NUP155: variants seen among roughly 807,000 people sequenced by gnomAD.
NUP155 encodes nuclear pore complex protein Nup155.
A neutral mutation model predicts 180.4 loss-of-function variants in NUP155; 71 were observed. The ratio of observed to expected loss-of-function variants is 0.39; its 90% CI spans 0.33 to 0.48. The LOEUF (loss-of-function observed/expected upper bound fraction) is 0.48. Ranked by LOEUF, NUP155 falls within the 20% of genes least tolerant of loss-of-function variation. The pLI is 0.91. For synonymous variants in NUP155, 582 were observed against 559.5 expected (o/e 1.04, Z -0.57); for missense variants, 1,553 against 1,648.9 (o/e 0.94, Z 1.01).
At chr5:37,309,070 T>A in intron 24 of NUP155, 59 bp downstream of exon 24, 5 of 1,568,194 alleles carry the variant, frequency 3.2e-6, no homozygotes, top group Non-Finnish European at 4.4e-6. Context: ...GCTTCATTCA[T>A]ACACTATTGT....
intron 27 of NUP155, 80 bp downstream of exon 27, chr5:37,304,659 T>C (rs969132157): frequency 2.0e-6 from 2 of 1,020,566 alleles, no homozygotes; most frequent in South Asian, 1.3e-5. Flanking sequence ...ACTGAATTTT[T>C]TACATCTATA....
intron 9 of NUP155, among the ~76,000 whole-genome samples, chr5:37,344,573 A>AT (rs1480886324): frequency 1.3e-5 from 2 of 151,382 alleles, no homozygotes; most frequent in Admixed American, 1.3e-4. Context: ...AAATTCTGAT[A>AT]TAACTGGAGA....
rs1291418431 is a variant in NUP155 at position 37,289,320 on chromosome 5, A to G, written c.*2580T>C. The G allele has an allele frequency of 6.6e-6, 1 of 152,422 alleles. No homozygotes were observed. Among genetic ancestry groups the G allele is most frequent in the African/African-American group, 2.4e-5 (1 of 41,470 alleles). The allele number at this position is 152,422 out of a possible 1,614,324, so 9.4% of individuals were successfully genotyped here. ...TGTCTTCAAAAAACAAAAAAATTCA[A>G]AAAAGTAATGCGTTGAACAAACACC... is the stretch of plus-strand genomic sequence containing the variant. On this transcript the variant is annotated 3_prime_UTR_variant, in exon 35 of 35. Transcript: ENST00000231498.
At chr5:37,329,614 C>T (rs979793824) in intron 15 of NUP155, among the ~76,000 whole-genome samples, 2 of 152,064 alleles carry the variant, frequency 1.3e-5, no homozygotes, top group African/African-American at 4.8e-5. Flanking sequence ...ACGTTTCTAA[C>T]AAAATCACAT....
chr5:37,312,956 C>T (rs1743620359), intron 22 of NUP155, among the ~76,000 whole-genome samples: 1 of 152,066 alleles, frequency 6.6e-6, no homozygotes, highest in African/African-American at 2.4e-5. Flanking sequence ...TTTTGCTCTA[C>T]TTTTGTATAC....
chr5:37,291,857 T>C lies in NUP155; in HGVS notation c.*43A>G. 6.3e-7 allele frequency: 1 copy of C among 1,594,980 alleles called. No individual in the cohort carries two copies. The highest frequency in any genetic ancestry group is 8.6e-7 in the Non-Finnish European group (1 of 1,163,066). On this transcript the variant is annotated 3_prime_UTR_variant, in exon 35 of 35. Coordinates refer to ENST00000231498, the MANE Select transcript of NUP155 (RefSeq NM_153485.3). ...CTGATATCTGGACCCAGCTGAGTTTTTATTTTACAGATCATAAAACGGATG... is the reference window on the plus strand; with the variant it reads ...CTGATATCTGGACCCAGCTGAGTTTCTATTTTACAGATCATAAAACGGATG...
intron 31 of NUP155, among the ~76,000 whole-genome samples, chr5:37,299,179 G>GT (rs1742736917): frequency 1.3e-5 from 2 of 152,294 alleles, no homozygotes; most frequent in African/African-American, 4.8e-5. Context: ...AGATTCTGAG[G>GT]TGAGTGTCTC....
At chr5:37,317,878 A>T (rs1744001574) in intron 21 of NUP155, 110 bp downstream of exon 21, 5 of 773,762 alleles carry the variant, frequency 6.5e-6, no homozygotes, top group Admixed American at 3.5e-5. Context: ...TTTAATTACA[A>T]ATATTTGTGT....
At chr5:37,334,074 T>C (rs1745155016) in intron 12 of NUP155, among the ~76,000 whole-genome samples, 1 of 151,794 alleles carries the variant, frequency 6.6e-6, no homozygotes, top group Non-Finnish European at 1.5e-5. Flanking sequence ...GCGCTGGGAT[T>C]ACAGGCATGA....
intron 6 of NUP155, among the ~76,000 whole-genome samples, chr5:37,350,575 A>T (rs1012791306): frequency 1.3e-5 from 2 of 152,112 alleles, no homozygotes; most frequent in Non-Finnish European, 2.9e-5. Context: ...AGGCCAAGGC[A>T]GGTGGATCAT....
chr5:37,340,293 T>A (rs969028403), intron 11 of NUP155, among the ~76,000 whole-genome samples: 2 of 151,862 alleles, frequency 1.3e-5, no homozygotes, highest in African/African-American at 2.4e-5. Context: ...GTACAAAAAT[T>A]AGCCGGGTGT....
At chr5:37,316,796 G>C (rs576747397) in intron 21 of NUP155, among the ~76,000 whole-genome samples, 1 of 151,698 alleles carries the variant, frequency 6.6e-6, no homozygotes, top group South Asian at 2.1e-4. Context: ...GATGACAAAA[G>C]TTCTGGAGAT....
At chr5:37,343,106 G>T (rs1745847137) in intron 9 of NUP155, among the ~76,000 whole-genome samples, 1 of 147,132 alleles carries the variant, frequency 6.8e-6, no homozygotes, top group Non-Finnish European at 1.5e-5. Flanking sequence ...ACGGAGTCTT[G>T]CTCTGTTGCC....
rs767862529 is a variant in NUP155, at chr5:37,350,237, C to T, written c.752G>A (p.Cys251Tyr). 2.5e-6 allele frequency: 4 copies of T among 1,613,710 alleles called. No individual in the cohort carries two copies. The highest frequency in any genetic ancestry group is 2.5e-6 in the Non-Finnish European group (3 of 1,179,860). The change falls in exon 7 of 35, where the codon TGT becomes TAT. Residue 251 changes from cysteine to tyrosine, a missense_variant. Physicochemically the swap from Cys to Tyr is radical, Grantham distance 194 (BLOSUM62 -2). Coordinates refer to ENST00000231498, the MANE Select transcript of NUP155 (RefSeq NM_153485.3). Reference protein sequence around the residue: ...QAEAGWFSQRCRKINHSKSSL... With the variant: ...QAEAGWFSQRYRKINHSKSSL... ...GCTCTTTGAGTGGTTTATTTTCCTA[C>T]ATCTTTGGCTAAACCACCCTGCTTC...
At chr5:37,349,593 A>C (rs566239087) in intron 7 of NUP155, among the ~76,000 whole-genome samples, 10 of 152,188 alleles carry the variant, frequency 6.6e-5, no homozygotes, top group African/African-American at 2.4e-4. Flanking sequence ...TTATTTAAAC[A>C]TTAATGAATG....
intron 25 of NUP155, 137 bp downstream of exon 25, chr5:37,307,160 T>G (rs1292123745): frequency 1.3e-6 from 1 of 787,180 alleles, no homozygotes; most frequent in Admixed American, 2.6e-5. Flanking sequence ...ATCACACGAC[T>G]GCACTCCAGC....
At chr5:37,309,973 G>C (rs1008580044) in intron 23 of NUP155, among the ~76,000 whole-genome samples, 3 of 151,840 alleles carry the variant, frequency 2.0e-5, no homozygotes, top group Non-Finnish European at 4.4e-5. Context: ...ACTTGAACCT[G>C]GGAGGTGGAG....
rs778679247 is a variant in NUP155 at position 37,314,316 on chromosome 5, C to G, written c.2318G>C (p.Ser773Thr). ...AATTGCCTGAAGTGAAATCTTTTCA[C>G]TTAGTTGAGCCTCTAATGAGAAAAC... Reference protein sequence around the residue: ...LQRKFHEAQLSEKISLQAIQQ... With the variant: ...LQRKFHEAQLTEKISLQAIQQ... The change falls in exon 22 of 35, where the codon AGT becomes ACT. Residue 773 changes from serine to threonine, a missense_variant. By Grantham distance (58) the Ser-to-Thr change is moderately conservative. Coordinates refer to ENST00000231498, the MANE Select transcript of NUP155 (RefSeq NM_153485.3). 1.2e-6 allele frequency: 2 copies of G among 1,605,162 alleles called. No homozygotes were observed. Among genetic ancestry groups the G allele is most frequent in the African/African-American group, 2.7e-5 (2 of 74,718 alleles).
intron 18 of NUP155, among the ~76,000 whole-genome samples, chr5:37,326,290 A>G (rs559743027): frequency 1.3e-5 from 2 of 152,346 alleles, no homozygotes; most frequent in East Asian, 3.9e-4. Context: ...TACATCTCAA[A>G]TCTAAGAGAA....
Sources: allele counts gnomAD v4.1 joint callset (sites outside exome capture counted in the v4.1 genomes callset), GRCh38; gene constraint gnomAD v4.1.1; transcripts MANE v1.5; gene names NCBI Gene and HGNC (gene_info 2026-07-23, HGNC 2026-07-21).